Variants in AUTS2 observed in about 807,000 individuals in gnomAD.
AUTS2 encodes autism susceptibility gene 2 protein.
In AUTS2, 17 loss-of-function variants were observed where a neutral mutation model predicts 112.4. The ratio of observed to expected loss-of-function variants is 0.15; its 90% CI spans 0.10 to 0.23. AUTS2 has a LOEUF of 0.23. Among genes scored for constraint, AUTS2 ranks in the 10% least tolerant of loss-of-function variants. The pLI is 1.00. For synonymous variants in AUTS2, 751 were observed against 702.7 expected, an observed-to-expected ratio of 1.07 and a Z score of -1.09; for missense variants, 1,510 against 1,701.6, an observed-to-expected ratio of 0.89 and a Z score of 1.98.
intron 5 of AUTS2, among the ~76,000 whole-genome samples, chr7:70,695,959 G>C (rs191114911): frequency 3.9e-4 from 59 of 152,250 alleles, no homozygotes; most frequent in African/African-American, 1.4e-3. Flanking sequence ...CCCCGTGTTC[G>C]AGAGAAGGAA....
At chr7:70,216,943 G>T (rs870920) in intron 4 of AUTS2, among the ~76,000 whole-genome samples, 50,578 of 151,870 alleles carry the variant, frequency 0.33, 9,076 homozygotes, top group African/African-American at 0.47. Context: ...AGAATCTTGC[G>T]CTGTCACCCA....
intron 5 of AUTS2, among the ~76,000 whole-genome samples, chr7:70,620,702 G>A (rs1459855942): frequency 1.3e-5 from 2 of 152,126 alleles, no homozygotes; most frequent in African/African-American, 4.8e-5. Flanking sequence ...AGAACTTCTG[G>A]GAGCTAGCTG....
At position 70,657,604 on chromosome 7, in the gene AUTS2, T is replaced by G. The variant is rs1296816991; in HGVS notation, c.691-40965T>G. Among the ~76,000 whole-genome samples the G allele has an allele frequency of 3.9e-5, 6 of 152,186 alleles. No individual in the cohort carries two copies. The East Asian group carries it at 1.2e-3, about 29-fold the overall frequency. ...AGTTGCTCTGTTAGCCCAGGCCACT[T>G]GTGGAGCCATCTCTGGAATATTACT... On this transcript the variant is annotated intron_variant, in intron 5 of 18. Coordinates refer to ENST00000342771, the MANE Select transcript of AUTS2 (RefSeq NM_015570.4).
intron 5 of AUTS2, among the ~76,000 whole-genome samples, chr7:70,464,377 A>G (rs1308880056): frequency 6.6e-6 from 1 of 152,262 alleles, no homozygotes; most frequent in African/African-American, 2.4e-5. Flanking sequence ...AGAATGTGTG[A>G]TAAACCGTGG....
At chr7:69,952,668 A>G (rs10258846) in intron 2 of AUTS2, among the ~76,000 whole-genome samples, 12,632 of 152,150 alleles carry the variant, frequency 0.083, 677 homozygotes, top group African/African-American at 0.14. Flanking sequence ...ATGTGACAAT[A>G]TACTAGGACC....
intron 1 of AUTS2, among the ~76,000 whole-genome samples, chr7:69,618,239 G>T (rs190595903): frequency 1.8e-4 from 28 of 152,222 alleles, no homozygotes; most frequent in African/African-American, 6.0e-4. Context: ...TGCTCCCCTC[G>T]CCTCCATTTT....
intron 5 of AUTS2, among the ~76,000 whole-genome samples, chr7:70,516,569 G>A (rs996917763): frequency 6.6e-6 from 1 of 152,074 alleles, no homozygotes; most frequent in East Asian, 1.9e-4. Context: ...TGGGTTCTTC[G>A]TCTCATTGTC....
intron 2 of AUTS2, among the ~76,000 whole-genome samples, chr7:69,962,001 A>T (rs1797450098): frequency 6.6e-6 from 1 of 152,174 alleles, no homozygotes. Flanking sequence ...TTATTCATGT[A>T]TCCAGCTCTG....
intron 1 of AUTS2, among the ~76,000 whole-genome samples, chr7:69,852,668 G>T (rs1052309637): frequency 6.6e-6 from 1 of 152,094 alleles, no homozygotes. Context: ...GGCCAGGCTG[G>T]TCTTGAACTC....
chr7:70,056,586 G>C (rs1802004153), intron 2 of AUTS2, among the ~76,000 whole-genome samples: 1 of 152,212 alleles, frequency 6.6e-6, no homozygotes, highest in East Asian at 1.9e-4. Flanking sequence ...AAGAATGTTA[G>C]TGCAGAGTAG....
At chr7:70,408,473 TAGGG>T (rs1430049582) in intron 4 of AUTS2, among the ~76,000 whole-genome samples, 2 of 152,218 alleles carry the variant, frequency 1.3e-5, no homozygotes, top group East Asian at 3.9e-4. Flanking sequence ...TGGAGGAAGA[TAGGG>T]AGGTCTAATC....
At chr7:70,167,142 C>T (rs1423242553) in intron 4 of AUTS2, among the ~76,000 whole-genome samples, 1 of 152,174 alleles carries the variant, frequency 6.6e-6, no homozygotes, top group Non-Finnish European at 1.5e-5. Flanking sequence ...AGGGGAATCA[C>T]TTGAACCTGG....
chr7:70,074,665 C>A (rs1457772210), intron 2 of AUTS2, among the ~76,000 whole-genome samples: 1 of 152,188 alleles, frequency 6.6e-6, no homozygotes, highest in Non-Finnish European at 1.5e-5. Flanking sequence ...AGATTGAAGT[C>A]CTGTCATCTT....
chr7:69,985,761 C>CTT (rs772444694), intron 2 of AUTS2, among the ~76,000 whole-genome samples: 3 of 143,864 alleles, frequency 2.1e-5, no homozygotes, highest in East Asian at 4.1e-4. Flanking sequence ...GCCCCCTTTA[C>CTT]TTTTTTTTTT....
Position 70,181,556 on chromosome 7 carries a change from C to T in AUTS2, c.660+46985C>T, listed in dbSNP as rs930508581. 1.5e-4 allele frequency among the ~76,000 whole-genome samples: 22 copies of T among 147,862 alleles called. No homozygotes were observed. In the East Asian group the frequency reaches 1.6e-3, roughly 11 times the overall value. On this transcript the variant is annotated intron_variant, in intron 4 of 18. Transcript: ENST00000342771. ...AGGCTGGAGTGCAGTGGCGCCATCT[C>T]GGCTCACTGTAACCTCTGCTTCCTG... is the stretch of plus-strand genomic sequence containing the variant.
chr7:69,733,151 G>C (rs146802961), intron 1 of AUTS2, among the ~76,000 whole-genome samples: 1 of 152,168 alleles, frequency 6.6e-6, no homozygotes, highest in Non-Finnish European at 1.5e-5. Flanking sequence ...CATAGGTGAT[G>C]TGTCATTTCT....
chr7:69,919,808 A>G (rs1795737519), intron 2 of AUTS2, among the ~76,000 whole-genome samples: 1 of 152,152 alleles, frequency 6.6e-6, no homozygotes, highest in Non-Finnish European at 1.5e-5. Context: ...AACTACCTGG[A>G]CTTTGATAAT....
At chr7:70,432,743 C>A (rs1795727706) in intron 4 of AUTS2, among the ~76,000 whole-genome samples, 1 of 152,180 alleles carries the variant, frequency 6.6e-6, no homozygotes, top group Admixed American at 6.5e-5. Context: ...AGGGGTTGAC[C>A]ATCATTCGTC....
chr7:70,608,942 C>A (rs181685433), intron 5 of AUTS2, among the ~76,000 whole-genome samples: 70 of 152,232 alleles, frequency 4.6e-4, no homozygotes, highest in Admixed American at 3.1e-3. Flanking sequence ...TAAATACATT[C>A]ATTTATTTAT....
Sources: gnomAD v4.1 joint callset for allele counts (sites outside exome capture counted in the v4.1 genomes callset) on GRCh38, gnomAD v4.1.1 for gene constraint, MANE v1.5 for transcripts, NCBI Gene and HGNC (gene_info 2026-07-23, HGNC 2026-07-21) for gene names.